TMEM87A: variants seen among roughly 807,000 people sequenced by gnomAD.
The protein encoded by TMEM87A is Golgi-pH regulating cation channel.
In TMEM87A, 50 loss-of-function variants were observed where a neutral mutation model predicts 90.0. That is an observed-to-expected ratio of 0.56 (90% CI 0.44 to 0.70). The LOEUF is 0.70. Among genes scored for constraint, TMEM87A ranks in the 30% least tolerant of loss-of-function variants. The pLI is 0.00. For synonymous variants in TMEM87A, 226 were observed against 226.7 expected, an observed-to-expected ratio of 1.00 and a Z score of 0.03; for missense variants, 577 against 660.5, an observed-to-expected ratio of 0.87 and a Z score of 1.39.
intron 2 of TMEM87A, among the ~76,000 whole-genome samples, chr15:42,268,791 T>C (rs1050199225): frequency 1.3e-5 from 2 of 152,188 alleles, no homozygotes; most frequent in Non-Finnish European, 2.9e-5. Flanking sequence ...AAAAGGCTAG[T>C]TGAAGAGACA....
chr15:42,216,077 T>C (rs1321177432), intron 19 of TMEM87A, among the ~76,000 whole-genome samples: 4 of 152,218 alleles, frequency 2.6e-5, no homozygotes, highest in Non-Finnish European at 5.9e-5. Context: ...AATTCTGACA[T>C]GTGCTACAAC....
intron 9 of TMEM87A, among the ~76,000 whole-genome samples, 158 bp from the exon 10 acceptor site, chr15:42,236,577 C>T (rs2050775318): frequency 6.6e-6 from 1 of 152,194 alleles, no homozygotes; most frequent in Non-Finnish European, 1.5e-5. Context: ...AGGATACAAG[C>T]TGATGCCACT....
At chr15:42,251,943 C>T (rs1291974858) in intron 6 of TMEM87A, among the ~76,000 whole-genome samples, 2 of 152,266 alleles carry the variant, frequency 1.3e-5, no homozygotes, top group Non-Finnish European at 2.9e-5. Flanking sequence ...CCTACTCAAG[C>T]CTCAGCAATG....
At chr15:42,213,790 GTTTT>G (rs201666524) in intron 19 of TMEM87A, among the ~76,000 whole-genome samples, 5 of 150,808 alleles carry the variant, frequency 3.3e-5, no homozygotes, top group Non-Finnish European at 3.0e-5. Flanking sequence ...AAAGGTAACT[GTTTT>G]TTTTTCTAAT....
intron 6 of TMEM87A, among the ~76,000 whole-genome samples, chr15:42,256,607 A>G (rs2051189212): frequency 6.6e-6 from 1 of 152,234 alleles, no homozygotes; most frequent in Non-Finnish European, 1.5e-5. Context: ...AATCACTGTA[A>G]CAAGACTCAA....
chr15:42,252,973 C>G (rs1161225629), intron 6 of TMEM87A, among the ~76,000 whole-genome samples: 1 of 152,156 alleles, frequency 6.6e-6, no homozygotes, highest in African/African-American at 2.4e-5. Context: ...GTCTCTTTTG[C>G]TTAGTAAGTT....
At chr15:42,237,918 A>G (rs2050803194) in intron 8 of TMEM87A, among the ~76,000 whole-genome samples, 1 of 152,182 alleles carries the variant, frequency 6.6e-6, no homozygotes, top group South Asian at 2.1e-4. Flanking sequence ...ACATTAACTA[A>G]TATGAAAGCA....
intron 6 of TMEM87A, among the ~76,000 whole-genome samples, chr15:42,250,711 G>A (rs2051069470): frequency 6.6e-6 from 1 of 152,012 alleles, no homozygotes; most frequent in Admixed American, 6.6e-5. Context: ...TGACAATTAT[G>A]TGTCTTGGGG....
chr15:42,271,894 C>T lies in TMEM87A; in HGVS notation c.205+169G>A, dbSNP rs74964337. Among the ~76,000 whole-genome samples the T allele has an allele frequency of 8.6e-4, 130 of 151,640 alleles. 3 individuals are homozygous for T. The East Asian group carries it at 0.023, about 26-fold the overall frequency. On this transcript the variant is annotated intron_variant, in intron 2 of 19. Transcript: ENST00000389834. ...ACAAGAGAAGAAAATAAAGTTCACA[C>T]GAGTACTTTGAAGATGATTCAGTAA...
chr15:42,219,790 A>AGCATCTGTT, intron 16 of TMEM87A, 148 bp from the exon 17 acceptor site: 2 of 659,060 alleles, frequency 3.0e-6, no homozygotes, highest in Non-Finnish European at 5.0e-6. Flanking sequence ...ATACTTGTGA[A>AGCATCTGTT]GTATACAACA....
At chr15:42,269,865 A>G (rs8024338) in intron 2 of TMEM87A, among the ~76,000 whole-genome samples, 122,378 of 130,424 alleles carry the variant, frequency 0.94, 57,910 homozygotes, top group Non-Finnish European at 1. Flanking sequence ...GAACCTGGGA[A>G]GCGGAGCTTG....
chr15:42,227,068 A>G, intron 14 of TMEM87A, 159 bp from the exon 15 acceptor site: 1 of 641,790 alleles, frequency 1.6e-6, no homozygotes, highest in South Asian at 2.1e-5. Context: ...TGGGGAAACA[A>G]AGTGAATGAA....
chr15:42,263,717 C>T lies in TMEM87A; in HGVS notation c.405+373G>A, dbSNP rs1046109021. Among the ~76,000 whole-genome samples the T allele has an allele frequency of 3.9e-5, 6 of 152,262 alleles. No individual in the cohort carries two copies. In the South Asian group the frequency reaches 6.2e-4, roughly 16 times the overall value. On this transcript the variant is annotated intron_variant, in intron 4 of 19. Transcript: ENST00000389834. The stretch of plus-strand genomic sequence containing the variant: ...GAGCCGAGATTGTGCCACTGCACTC[C>T]AGCCTGGCGGACAGAGCAAGAATCT...
intron 2 of TMEM87A, among the ~76,000 whole-genome samples, chr15:42,268,405 C>T (rs2051447547): frequency 6.6e-6 from 1 of 152,178 alleles, no homozygotes; most frequent in Non-Finnish European, 1.5e-5. Context: ...CGGTAGCTCA[C>T]ACCTATAACC....
intron 19 of TMEM87A, among the ~76,000 whole-genome samples, chr15:42,217,445 A>C (rs1285064829): frequency 1.3e-5 from 2 of 152,212 alleles, no homozygotes; most frequent in African/African-American, 4.8e-5. Flanking sequence ...TTCCTTTCTC[A>C]ATATTTTTCC....
At chr15:42,247,787 TATGAACTTC>T (rs1351868395) in intron 6 of TMEM87A, among the ~76,000 whole-genome samples, 30 of 152,284 alleles carry the variant, frequency 2.0e-4, no homozygotes, top group Middle Eastern at 3.4e-3. Flanking sequence ...TTTGGTTCCA[TATGAACTTC>T]GAAGTATTTT....
At chr15:42,237,693 A>AT in intron 8 of TMEM87A, 78 bp from the exon 9 acceptor site, 1 of 976,446 alleles carries the variant, frequency 1.0e-6, no homozygotes, top group Non-Finnish European at 1.3e-6. Context: ...ATCAATATAT[A>AT]CTTTTTTTTT....
intron 6 of TMEM87A, chr15:42,257,818 G>T: frequency 4.8e-6 from 3 of 625,054 alleles, no homozygotes; most frequent in African/African-American, 2.0e-5. Flanking sequence ...AGGTGAAGTA[G>T]TATTCAATGT....
chr15:42,211,994 A>G (rs2050296608), intron 19 of TMEM87A, among the ~76,000 whole-genome samples: 2 of 149,600 alleles, frequency 1.3e-5, no homozygotes, highest in Admixed American at 1.3e-4. Context: ...AAGGAAATGT[A>G]TAGAGTCAGC....
Sources: gnomAD v4.1 joint callset for allele counts (sites outside exome capture counted in the v4.1 genomes callset) on GRCh38, gnomAD v4.1.1 for gene constraint, MANE v1.5 for transcripts, NCBI Gene and HGNC (gene_info 2026-07-23, HGNC 2026-07-21) for gene names.